Variants in NEDD4 observed in about 807,000 individuals in gnomAD.
NEDD4 encodes the protein NEDD4 E3 ubiquitin protein ligase.
In NEDD4, 99 loss-of-function variants were observed where a neutral mutation model predicts 144.9. The ratio of observed to expected loss-of-function variants is 0.68; its 90% confidence interval spans 0.58 to 0.81. The LOEUF (loss-of-function observed/expected upper bound fraction) is 0.81, where lower values mean the gene tolerates loss of function less well. NEDD4 is among the 30% of genes least tolerant of loss of function. The pLI, the probability that NEDD4 is intolerant of heterozygous loss-of-function variation, is 0.00. For missense variants in NEDD4, 985 were observed against 1,065.9 expected (o/e 0.92, Z 1.06); for synonymous variants, 318 against 350.6 (o/e 0.91, Z 1.04).
At chr15:55,979,403 G>T (rs559846530) in intron 1 of NEDD4, among the ~76,000 whole-genome samples, 8 of 133,286 alleles carry the variant, frequency 6.0e-5, no homozygotes, top group African/African-American at 2.3e-4. Flanking sequence ...CCGGACTGCG[G>T]ACTGCAGTGG....
At chr15:55,854,264 C>A (rs1244450904) in intron 12 of NEDD4, among the ~76,000 whole-genome samples, 1 of 152,128 alleles carries the variant, frequency 6.6e-6, no homozygotes, top group Admixed American at 6.6e-5. Context: ...AAACCATCAC[C>A]ACCAGTCTCT....
At chr15:55,975,967 G>A (rs1470871973) in intron 1 of NEDD4, among the ~76,000 whole-genome samples, 2 of 152,140 alleles carry the variant, frequency 1.3e-5, no homozygotes, top group Non-Finnish European at 2.9e-5. Context: ...GAACCCAGAA[G>A]TAAATCTATA....
At chr15:55,916,520 A>G (rs2036451587) in intron 5 of NEDD4, 2 of 1,613,996 alleles carry the variant, frequency 1.2e-6, no homozygotes, top group African/African-American at 1.3e-5. Flanking sequence ...CAGCTAAGAC[A>G]TTGCTAGACT....
At chr15:55,953,505 G>A (rs1442684809) in intron 2 of NEDD4, among the ~76,000 whole-genome samples, 8 of 149,154 alleles carry the variant, frequency 5.4e-5, no homozygotes, top group African/African-American at 2.0e-4. Flanking sequence ...GCAGTGGCGC[G>A]ATCTTGGCTC....
At chr15:55,883,748 G>A (rs1313579079) in intron 5 of NEDD4, among the ~76,000 whole-genome samples, 1 of 151,838 alleles carries the variant, frequency 6.6e-6, no homozygotes, top group African/African-American at 2.4e-5. Flanking sequence ...GAGAGAGAGA[G>A]AGACTCTATT....
chr15:55,963,199 A>C (rs1440757246), intron 2 of NEDD4, among the ~76,000 whole-genome samples: 1 of 149,408 alleles, frequency 6.7e-6, no homozygotes, highest in African/African-American at 2.5e-5. Flanking sequence ...TGGCAAAATC[A>C]TGGCTCATTG....
intron 21 of NEDD4, 144 bp downstream of exon 21, chr15:55,840,303 A>G: frequency 2.6e-6 from 2 of 762,564 alleles, no homozygotes; most frequent in Non-Finnish European, 4.0e-6. Context: ...AAATTTTCAT[A>G]ATAAAATGTT....
intron 2 of NEDD4, among the ~76,000 whole-genome samples, chr15:55,965,103 T>C (rs1381972998): frequency 6.6e-6 from 1 of 152,132 alleles, no homozygotes; most frequent in Non-Finnish European, 1.5e-5. Flanking sequence ...CTTTACAAAA[T>C]ACACAGTCTT....
At chr15:55,981,342 G>A (rs1230649040) in intron 1 of NEDD4, among the ~76,000 whole-genome samples, 1 of 151,312 alleles carries the variant, frequency 6.6e-6, no homozygotes, top group African/African-American at 2.4e-5. Flanking sequence ...TGGGATTACA[G>A]GTGTGAGCCA....
chr15:55,899,414 A>C (rs1441425274), intron 5 of NEDD4, among the ~76,000 whole-genome samples: 2 of 152,230 alleles, frequency 1.3e-5, no homozygotes, highest in Admixed American at 1.3e-4. Flanking sequence ...GATTTTTTCC[A>C]GGGTTGAAAA....
chr15:55,854,622 T>C (rs2034121582), intron 12 of NEDD4, among the ~76,000 whole-genome samples: 1 of 152,160 alleles, frequency 6.6e-6, no homozygotes, highest in Non-Finnish European at 1.5e-5. Context: ...AGAGTAGGCA[T>C]AGGGATTGAG....
intron 24 of NEDD4, among the ~76,000 whole-genome samples, chr15:55,836,436 A>G (rs1286248036): frequency 6.6e-6 from 1 of 152,084 alleles, no homozygotes; most frequent in Non-Finnish European, 1.5e-5. Context: ...CATAGCTCAT[A>G]GCTGACTGTA....
intron 5 of NEDD4, chr15:55,916,669 G>A (rs746614127): frequency 1.2e-6 from 2 of 1,614,072 alleles, no homozygotes; most frequent in East Asian, 2.2e-5. Flanking sequence ...AGTGCAGTCT[G>A]TCTGGGAGTC....
chr15:55,870,529 C>CTTTTTTTTTTTTTTTTTTTTT (rs58174546), intron 7 of NEDD4, among the ~76,000 whole-genome samples: 1 of 117,422 alleles, frequency 8.5e-6, no homozygotes. Flanking sequence ...TCTTCTTCTT[C>CTTTTTTTTTTTTTTTTTTTTT]TTTTTTTTTT....
chr15:55,879,326 G>T (rs2035102318), intron 5 of NEDD4, among the ~76,000 whole-genome samples: 1 of 152,068 alleles, frequency 6.6e-6, no homozygotes. Context: ...TAGAATACTG[G>T]CAGACAAATA....
At chr15:55,878,575 A>G (rs1175204151) in intron 5 of NEDD4, among the ~76,000 whole-genome samples, 1 of 152,204 alleles carries the variant, frequency 6.6e-6, no homozygotes, top group Non-Finnish European at 1.5e-5. Context: ...TTAAACATAT[A>G]CCAGTATATG....
At chr15:55,837,766 A>C in intron 24 of NEDD4, 23 bp downstream of exon 24, 1 of 1,584,874 alleles carries the variant, frequency 6.3e-7, no homozygotes. Flanking sequence ...ATTATGGAAG[A>C]GCAAATAAAA....
intron 17 of NEDD4, 102 bp from the exon 18 acceptor site, chr15:55,847,136 A>G (rs2033783854): frequency 3.4e-6 from 2 of 590,058 alleles, no homozygotes; most frequent in East Asian, 6.3e-5. Context: ...ATTAAAAGAA[A>G]AATATTTGGA....
chr15:55,920,003 T>C (rs764231471), intron 5 of NEDD4, among the ~76,000 whole-genome samples: 22 of 152,274 alleles, frequency 1.4e-4, no homozygotes, highest in Admixed American at 6.5e-4. Context: ...TAGAGCACAT[T>C]ACCCTCCACA....
Sources: allele counts gnomAD v4.1 joint callset (sites outside exome capture counted in the v4.1 genomes callset), GRCh38; gene constraint gnomAD v4.1.1; transcripts MANE v1.5; gene names NCBI Gene and HGNC (gene_info 2026-07-23, HGNC 2026-07-21).